MINK1: variants seen among roughly 807,000 people sequenced by gnomAD.
MINK1 encodes misshapen like kinase 1.
In MINK1, 46 loss-of-function variants were observed where a neutral mutation model predicts 178.4. The observed-to-expected ratio is 0.26, with a 90% confidence interval of 0.20 to 0.33. MINK1 has a LOEUF of 0.33. Ranked by LOEUF, MINK1 falls within the 10% of genes least tolerant of loss-of-function variation. The pLI, the probability that MINK1 is intolerant of heterozygous loss-of-function variation, is 1.00. For synonymous variants in MINK1, 797 were observed against 709.7 expected, an observed-to-expected ratio of 1.12 and a Z score of -1.96; for missense variants, 1,366 against 1,814.9, an observed-to-expected ratio of 0.75 and a Z score of 4.49.
intron 1 of MINK1, among the ~76,000 whole-genome samples, chr17:4,834,247 C>T (rs1184152276): frequency 1.3e-5 from 2 of 152,172 alleles, no homozygotes; most frequent in African/African-American, 2.4e-5. Context: ...CAGTTCAGAA[C>T]CAGGCATTTC....
intron 1 of MINK1, among the ~76,000 whole-genome samples, chr17:4,866,540 A>G (rs543211705): frequency 6.6e-6 from 1 of 151,960 alleles, no homozygotes. Flanking sequence ...TTGAACACAC[A>G]GCCTGTTGGC....
chr17:4,895,585 G>C lies in MINK1; in HGVS notation c.3229+92G>C, dbSNP rs1969362731. On this transcript the variant is annotated intron_variant, in intron 26 of 31. Coordinates refer to ENST00000355280, the MANE Select transcript of MINK1 (RefSeq NM_153827.5). The surrounding 1 kb of genome is among the most constrained non-coding windows in gnomAD (Gnocchi z 4.3). The stretch of plus-strand genomic sequence containing the variant: ...CTGGGAGGAGGGCAGGCACTGGAAG[G>C]TGGGGCCACACTTTCTCACCCCTTG... 2 of 1,547,764 alleles carry C rather than the reference G, an allele frequency of 1.3e-6. No individual in the cohort carries two copies. Among genetic ancestry groups the C allele is most frequent in the South Asian group, 2.5e-5 (2 of 81,126 alleles).
chr17:4,850,910 T>C, intron 1 of MINK1: 2 of 411,020 alleles, frequency 4.9e-6, no homozygotes, highest in South Asian at 3.4e-5. Context: ...TGGCATCTCC[T>C]TTCTGCCCCC....
chr17:4,860,106 G>A (rs2150878145), intron 1 of MINK1, among the ~76,000 whole-genome samples: 1 of 152,320 alleles, frequency 6.6e-6, no homozygotes. Flanking sequence ...GCGGGGTACA[G>A]AGGGAAGGGG....
chr17:4,896,951 C>T lies in MINK1; in HGVS notation c.3915+138C>T, dbSNP rs920457323. On this transcript the variant is annotated intron_variant, in intron 31 of 31. Coordinates refer to ENST00000355280, the MANE Select transcript of MINK1 (RefSeq NM_153827.5). The surrounding 1 kb of genome is among the most constrained non-coding windows in gnomAD (Gnocchi z 4.6). ...CTCTGGGAGCTCAGAGGGCAGTCAG[C>T]CACTACCACTGCCCTGCGCTCCCTT... 18 of 1,174,612 alleles carry T rather than the reference C, an allele frequency of 1.5e-5. No homozygotes were observed. The highest frequency in any genetic ancestry group is 2.1e-5 in the Non-Finnish European group (18 of 852,880). The allele number at this position is 1,174,612 out of a possible 1,614,324, so 72.8% of individuals were successfully genotyped here.
chr17:4,845,321 C>T (rs1910852535), intron 1 of MINK1, among the ~76,000 whole-genome samples: 1 of 152,100 alleles, frequency 6.6e-6, no homozygotes, highest in South Asian at 2.1e-4. Context: ...CTTTTGCCAC[C>T]CCCCAGCCAT....
chr17:4,842,791 A>G (rs1047049994), intron 1 of MINK1, among the ~76,000 whole-genome samples: 3 of 152,230 alleles, frequency 2.0e-5, no homozygotes, highest in African/African-American at 7.2e-5. Flanking sequence ...GGGCCAGCAC[A>G]TCGTCTCTTC....
intron 1 of MINK1, among the ~76,000 whole-genome samples, chr17:4,867,200 T>A (rs1361079778): frequency 7.7e-6 from 1 of 129,422 alleles, no homozygotes; most frequent in Non-Finnish European, 1.6e-5. Flanking sequence ...CAGGCTGGAG[T>A]GCAGTGGCAT....
At chr17:4,866,801 C>T (rs1915047431) in intron 1 of MINK1, among the ~76,000 whole-genome samples, 1 of 150,800 alleles carries the variant, frequency 6.6e-6, no homozygotes, top group African/African-American at 2.4e-5. Flanking sequence ...CGATCGGGCG[C>T]GGTGGCTCAC....
intron 13 of MINK1, 146 bp from the exon 14 acceptor site, chr17:4,890,371 T>G (rs937339345): frequency 2.8e-6 from 4 of 1,442,404 alleles, no homozygotes; most frequent in Non-Finnish European, 3.6e-6. Flanking sequence ...TGGAACGGGA[T>G]GGGAACACTT....
rs1007404680 is a variant in MINK1 at position 4,860,374 on chromosome 17, C to G, written c.58-17943C>G. ...TCTCTCCTTTTCCTGGCCCCACAGC[C>G]TTGGCTCACGCTTCCTAGGCTCTGA... On this transcript the variant is annotated intron_variant, in intron 1 of 31. Transcript: ENST00000355280. 3.3e-5 allele frequency among the ~76,000 whole-genome samples: 5 copies of G among 152,318 alleles called. No homozygotes were observed. The East Asian group carries it at 7.7e-4, about 24-fold the overall frequency.
At chr17:4,855,076 T>C (rs1265178279) in intron 1 of MINK1, among the ~76,000 whole-genome samples, 1 of 145,978 alleles carries the variant, frequency 6.9e-6, no homozygotes, top group South Asian at 2.2e-4. Flanking sequence ...GGCGTGGTGG[T>C]GGGCGCCTAT....
At chr17:4,892,303 G>C (rs1400813291) in intron 17 of MINK1, 69 bp downstream of exon 17, 2 of 1,494,430 alleles carry the variant, frequency 1.3e-6, no homozygotes, top group Non-Finnish European at 1.8e-6. Context: ...GGGGCACAGG[G>C]ACTTTACCAG....
intron 1 of MINK1, among the ~76,000 whole-genome samples, chr17:4,839,133 C>T (rs1056433864): frequency 5.3e-5 from 8 of 152,058 alleles, no homozygotes; most frequent in Non-Finnish European, 8.8e-5. Flanking sequence ...TTAGTAGAGA[C>T]GGGGTTTCAC....
chr17:4,883,318 T>G (rs1383142421), intron 4 of MINK1: 1 of 149,766 alleles, frequency 6.7e-6, no homozygotes. Context: ...GATTCTCCTG[T>G]GTCAGCATCC....
chr17:4,885,360 G>T lies in MINK1; in HGVS notation c.509-123G>T, dbSNP rs902824302. ...GGTGGTGGGGTAAAGGAGGGTGCTG[G>T]GGTGTCTGGGTCGGGCCAGGACCAC... On this transcript the variant is annotated intron_variant, in intron 6 of 31. Transcript: ENST00000355280. This position sits in a 1 kb window ranked among gnomAD's most constrained non-coding sequence, Gnocchi z 5.0. 1 of 1,285,438 alleles carries T rather than the reference G, an allele frequency of 7.8e-7. No homozygotes were observed. The allele number at this position is 1,285,438 out of a possible 1,614,324, so 79.6% of individuals were successfully genotyped here.
Position 4,891,543 on chromosome 17 carries a change from C to A in MINK1, c.1828C>A (p.Leu610Met). Residue 610 changes from leucine to methionine, a missense_variant, in exon 16 of 32, where the codon CTG (leucine) becomes ATG (methionine). Physicochemically the swap from Leu to Met is conservative, Grantham distance 15. This residue lies in a region of MINK1 where 709 missense variants were observed against 692.3 expected (regional missense o/e 1.02). Coordinates refer to ENST00000355280, the MANE Select transcript of MINK1 (RefSeq NM_153827.5). ...CCTGCAGGACCAGCCCACCCGAAAC[C>A]TGGCTGCCTTCCCAGCCTCCCATGA... is the stretch of plus-strand genomic sequence containing the variant. ...QSLQDQPTRNLAAFPASHDPD... is the reference protein window; with the variant it reads ...QSLQDQPTRNMAAFPASHDPD... 1 of 1,610,170 alleles carries A rather than the reference C, an allele frequency of 6.2e-7. No individual in the cohort carries two copies. The highest frequency in any genetic ancestry group is 8.5e-7 in the Non-Finnish European group (1 of 1,178,532).
intron 1 of MINK1, among the ~76,000 whole-genome samples, chr17:4,875,293 T>C (rs1967083086): frequency 6.6e-6 from 1 of 152,144 alleles, no homozygotes; most frequent in Admixed American, 6.5e-5. Context: ...TTCCTGTGGA[T>C]CCTACTGTGA....
chr17:4,866,974 G>A (rs1266000101), intron 1 of MINK1, among the ~76,000 whole-genome samples: 1 of 151,192 alleles, frequency 6.6e-6, no homozygotes, highest in African/African-American at 2.4e-5. Flanking sequence ...TCCGGAGGCT[G>A]AGGCGGGACA....
Sources: allele counts gnomAD v4.1 joint callset (sites outside exome capture counted in the v4.1 genomes callset), GRCh38; gene constraint gnomAD v4.1.1; regional missense constraint gnomAD v4.1.1; non-coding constraint Gnocchi (gnomAD v3.1); transcripts MANE v1.5; gene names NCBI Gene and HGNC (gene_info 2026-07-23, HGNC 2026-07-21).